PPP2R2B: variants seen among roughly 807,000 people sequenced by gnomAD.
The protein encoded by PPP2R2B is protein phosphatase 2 regulatory subunit Bbeta.
A neutral mutation model predicts 46.0 loss-of-function variants in PPP2R2B; 5 were observed. That is an observed-to-expected ratio of 0.11 (90% CI 0.06 to 0.23). The LOEUF (loss-of-function observed/expected upper bound fraction) is 0.23, where lower values mean the gene tolerates loss of function less well. PPP2R2B is among the 10% of genes least tolerant of loss of function. PPP2R2B has a pLI of 1.00. For synonymous variants in PPP2R2B, 215 were observed against 206.7 expected (o/e 1.04, Z -0.34); for missense variants, 367 against 575.0 (o/e 0.64, Z 3.70).
intron 1 of PPP2R2B, among the ~76,000 whole-genome samples, chr5:146,942,825 TCTCA>T (rs1320787365): frequency 6.6e-6 from 1 of 151,076 alleles, no homozygotes; most frequent in Non-Finnish European, 1.5e-5. Context: ...TGAGATGGAG[TCTCA>T]CTCTGTCACC....
chr5:146,835,286 A>C (rs1759213385), intron 2 of PPP2R2B, among the ~76,000 whole-genome samples: 1 of 152,180 alleles, frequency 6.6e-6, no homozygotes, highest in South Asian at 2.1e-4. Context: ...AAATATTAAA[A>C]TATTTCCTCA....
At chr5:146,957,735 G>T (rs984430330) in intron 1 of PPP2R2B, among the ~76,000 whole-genome samples, 15 of 152,142 alleles carry the variant, frequency 9.9e-5, no homozygotes, top group African/African-American at 3.6e-4. Context: ...ATAACGTTCT[G>T]ACCTATGGTA....
intron 5 of PPP2R2B, among the ~76,000 whole-genome samples, chr5:146,663,739 G>A (rs565076278): frequency 1.5e-4 from 23 of 152,272 alleles, no homozygotes; most frequent in Non-Finnish European, 2.5e-4. Context: ...ATCTTTTTGC[G>A]GGTAGATGGT....
At chr5:146,807,178 A>G (rs1175852540) in intron 2 of PPP2R2B, among the ~76,000 whole-genome samples, 2 of 152,210 alleles carry the variant, frequency 1.3e-5, no homozygotes, top group Non-Finnish European at 2.9e-5. Flanking sequence ...CTTAAGAATC[A>G]CTGGTCTTCA....
intron 2 of PPP2R2B, among the ~76,000 whole-genome samples, chr5:146,780,822 G>A (rs1410593800): frequency 6.6e-6 from 1 of 151,908 alleles, no homozygotes; most frequent in Non-Finnish European, 1.5e-5. Context: ...ATATAGAAGT[G>A]CATTGTTGGT....
chr5:146,841,359 C>G (rs1384056857), intron 2 of PPP2R2B, among the ~76,000 whole-genome samples: 1 of 152,122 alleles, frequency 6.6e-6, no homozygotes, highest in African/African-American at 2.4e-5. Context: ...AGACGCTGTT[C>G]AGTCCAACTA....
intron 1 of PPP2R2B, among the ~76,000 whole-genome samples, chr5:146,895,852 A>G (rs1339765061): frequency 2.0e-5 from 3 of 152,226 alleles, no homozygotes; most frequent in African/African-American, 7.2e-5. Context: ...AGGAAAGGAC[A>G]ATAGCTCTAA....
At chr5:147,014,805 AGT>A (rs1172905001) in intron 1 of PPP2R2B, among the ~76,000 whole-genome samples, 2 of 152,074 alleles carry the variant, frequency 1.3e-5, no homozygotes. Context: ...TAGTGGGTGC[AGT>A]GCACCAGCAT....
At chr5:146,903,007 G>T (rs1762884488) in intron 1 of PPP2R2B, among the ~76,000 whole-genome samples, 2 of 152,120 alleles carry the variant, frequency 1.3e-5, no homozygotes, top group African/African-American at 2.4e-5. Context: ...GTACAGCAGG[G>T]TTTCCCAGGC....
chr5:146,635,383 G>T (rs1330902490), intron 7 of PPP2R2B, among the ~76,000 whole-genome samples: 3 of 151,738 alleles, frequency 2.0e-5, no homozygotes, highest in Non-Finnish European at 4.4e-5. Context: ...CAGGTATTAA[G>T]CCTAGTACCA....
intron 2 of PPP2R2B, chr5:146,706,966 C>T (rs1779902439): frequency 1.7e-5 from 17 of 1,029,812 alleles, no homozygotes; most frequent in Non-Finnish European, 2.6e-5. Flanking sequence ...TATCGTCAGC[C>T]CTTCCAGGCA....
At chr5:146,690,305 T>TA (rs1159549397) in intron 5 of PPP2R2B, among the ~76,000 whole-genome samples, 2 of 152,178 alleles carry the variant, frequency 1.3e-5, no homozygotes, top group African/African-American at 4.8e-5. Context: ...ACCCTTCCCT[T>TA]AAAAGATCGC....
chr5:146,809,655 T>C (rs1226866741), intron 2 of PPP2R2B, among the ~76,000 whole-genome samples: 1 of 152,176 alleles, frequency 6.6e-6, no homozygotes, highest in Non-Finnish European at 1.5e-5. Flanking sequence ...CACGAGGCTG[T>C]GGGCACACAG....
At chr5:147,071,098 A>T (rs1757581112) in intron 2 of PPP2R2B, among the ~76,000 whole-genome samples, 1 of 152,284 alleles carries the variant, frequency 6.6e-6, no homozygotes, top group African/African-American at 2.4e-5. Context: ...TAAAAAAAAA[A>T]AATCAGAATG....
chr5:147,032,395 T>A (rs1755828147), intron 1 of PPP2R2B, among the ~76,000 whole-genome samples: 1 of 152,154 alleles, frequency 6.6e-6, no homozygotes, highest in Non-Finnish European at 1.5e-5. Flanking sequence ...GGTGTGTCTA[T>A]CTCGTTTGGT....
chr5:146,937,936 G>T (rs1374174493), intron 1 of PPP2R2B, among the ~76,000 whole-genome samples: 1 of 152,048 alleles, frequency 6.6e-6, no homozygotes, highest in Admixed American at 6.6e-5. Context: ...TGTCATGTTC[G>T]TCTTTGTATT....
At chr5:146,763,577 A>C (rs1230641180) in intron 2 of PPP2R2B, among the ~76,000 whole-genome samples, 1 of 152,230 alleles carries the variant, frequency 6.6e-6, no homozygotes, top group Non-Finnish European at 1.5e-5. Flanking sequence ...GAGGTAAGCA[A>C]GACCAAATGC....
chr5:147,010,668 G>T (rs1754680370), intron 1 of PPP2R2B, among the ~76,000 whole-genome samples: 1 of 152,134 alleles, frequency 6.6e-6, no homozygotes, highest in Non-Finnish European at 1.5e-5. Context: ...TACAGATGAA[G>T]CTTCACTTTG....
intron 2 of PPP2R2B, among the ~76,000 whole-genome samples, chr5:146,829,220 C>T (rs1360319029): frequency 6.6e-6 from 1 of 152,086 alleles, no homozygotes; most frequent in Non-Finnish European, 1.5e-5. Context: ...AACACCAACT[C>T]TTGTTTTTTA....
Sources: gnomAD v4.1 joint callset for allele counts (sites outside exome capture counted in the v4.1 genomes callset) on GRCh38, gnomAD v4.1.1 for gene constraint, MANE v1.5 for transcripts, NCBI Gene and HGNC (gene_info 2026-07-23, HGNC 2026-07-21) for gene names.